The following EDIL3 variants were observed in gnomAD, a reference collection of about 807,000 sequenced individuals.
The protein encoded by EDIL3 is EGF-like repeat and discoidin I-like domain-containing protein 3.
In EDIL3, 37 loss-of-function variants were observed where a neutral mutation model predicts 67.4. The observed-to-expected ratio is 0.55, with a 90% CI of 0.42 to 0.72. EDIL3 has a LOEUF of 0.72. Among genes scored for constraint, EDIL3 ranks in the 30% least tolerant of loss-of-function variants. The pLI is 0.00. For missense variants in EDIL3, 527 were observed against 586.3 expected (o/e 0.90, Z 1.04); for synonymous variants, 195 against 196.3 (o/e 0.99, Z 0.05).
chr5:84,290,325 G>A (rs768745544), intron 1 of EDIL3, among the ~76,000 whole-genome samples: 4 of 152,052 alleles, frequency 2.6e-5, no homozygotes, highest in Non-Finnish European at 5.9e-5. Context: ...AAGCCTCCCC[G>A]TCTTCCCAGT....
intron 5 of EDIL3, among the ~76,000 whole-genome samples, chr5:84,114,984 G>A (rs1025166936): frequency 1.3e-5 from 2 of 152,154 alleles, no homozygotes; most frequent in African/African-American, 4.8e-5. Context: ...GGTTTTCAAA[G>A]CACTTAGCAC....
In EDIL3 at chr5:84,031,210, A is replaced by G. The variant is rs115184832; in HGVS notation, c.1137+29090T>C. The stretch of plus-strand genomic sequence containing the variant: ...ATCACATTCTGAGATAGTTGGGGTT[A>G]GGACTTAAATATATAAATTTTGGGG... On this transcript the variant is annotated intron_variant, in intron 9 of 10. Coordinates refer to ENST00000296591, the MANE Select transcript of EDIL3 (RefSeq NM_005711.5). Among the ~76,000 whole-genome samples the G allele has an allele frequency of 5.8e-3, 891 of 152,320 alleles. 12 individuals carry two copies. Among genetic ancestry groups the G allele is most frequent in the African/African-American group, 0.021 (857 of 41,568 alleles).
chr5:84,216,053 C>T (rs1442282833), intron 3 of EDIL3, among the ~76,000 whole-genome samples: 1 of 152,070 alleles, frequency 6.6e-6, no homozygotes, highest in Non-Finnish European at 1.5e-5. Context: ...TGAGAAGATG[C>T]TGCCTTGGAC....
At chr5:84,199,595 T>C (rs1743788003) in intron 3 of EDIL3, among the ~76,000 whole-genome samples, 1 of 151,804 alleles carries the variant, frequency 6.6e-6, no homozygotes, top group Non-Finnish European at 1.5e-5. Context: ...AAAGAGAAAA[T>C]AATGTGAGGG....
intron 2 of EDIL3, among the ~76,000 whole-genome samples, chr5:84,237,656 C>T (rs966012122): frequency 2.0e-5 from 3 of 152,010 alleles, no homozygotes; most frequent in Admixed American, 6.6e-5. Context: ...TTATCTAATA[C>T]TTTTATTAAA....
intron 6 of EDIL3, among the ~76,000 whole-genome samples, chr5:84,086,180 C>T (rs6859618): frequency 0.065 from 9,880 of 152,166 alleles, 889 homozygotes; most frequent in African/African-American, 0.2. Context: ...GTTCTTCTGT[C>T]TCACTGGGAT....
chr5:84,220,913 G>A (rs1280644763), intron 3 of EDIL3, among the ~76,000 whole-genome samples: 8 of 136,372 alleles, frequency 5.9e-5, no homozygotes, highest in Admixed American at 1.5e-4. Context: ...GGAGAAACCA[G>A]TGTTAATACT....
chr5:84,264,258 C>T (rs1469293140), intron 1 of EDIL3, among the ~76,000 whole-genome samples: 1 of 152,134 alleles, frequency 6.6e-6, no homozygotes. Flanking sequence ...AACAAACAAA[C>T]AAATAAATTG....
chr5:83,991,200 T>A (rs1019161287), intron 9 of EDIL3, among the ~76,000 whole-genome samples: 6 of 152,162 alleles, frequency 3.9e-5, no homozygotes, highest in Non-Finnish European at 8.8e-5. Flanking sequence ...TTGTTTAGAA[T>A]CCCTACATCA....
chr5:84,141,960 T>G (rs891597966), intron 4 of EDIL3, among the ~76,000 whole-genome samples: 18 of 134,896 alleles, frequency 1.3e-4, no homozygotes, highest in South Asian at 7.0e-4. Context: ...TAGATCTATC[T>G]ATCTATCTAT....
At chr5:84,095,729 G>A (rs1747250303) in intron 6 of EDIL3, among the ~76,000 whole-genome samples, 1 of 152,154 alleles carries the variant, frequency 6.6e-6, no homozygotes, top group South Asian at 2.1e-4. Flanking sequence ...CAATAGAAAA[G>A]AAAAATCCCA....
intron 9 of EDIL3, among the ~76,000 whole-genome samples, chr5:84,055,790 C>T (rs1402467312): frequency 1.3e-5 from 2 of 152,154 alleles, no homozygotes; most frequent in Non-Finnish European, 2.9e-5. Context: ...GAATGGCAAT[C>T]ATTCAAAAGT....
At chr5:84,294,260 C>T (rs992308851) in intron 1 of EDIL3, among the ~76,000 whole-genome samples, 1 of 151,702 alleles carries the variant, frequency 6.6e-6, no homozygotes, top group African/African-American at 2.4e-5. Flanking sequence ...TGGCGGGCAC[C>T]TGTAGTCCCA....
chr5:84,201,443 A>G (rs573781920), intron 3 of EDIL3, among the ~76,000 whole-genome samples: 4 of 152,222 alleles, frequency 2.6e-5, no homozygotes, highest in African/African-American at 9.6e-5. Context: ...TATTACCTCA[A>G]TACTCCCTTG....
chr5:84,337,109 T>C (rs1404815839), intron 1 of EDIL3, among the ~76,000 whole-genome samples: 1 of 152,154 alleles, frequency 6.6e-6, no homozygotes, highest in African/African-American at 2.4e-5. Flanking sequence ...CTGAACACTG[T>C]TCCAAGTCTG....
chr5:84,052,155 T>C (rs1746352111), intron 9 of EDIL3, among the ~76,000 whole-genome samples: 5 of 152,196 alleles, frequency 3.3e-5, no homozygotes, highest in Admixed American at 6.5e-5. Flanking sequence ...GGCCAATATT[T>C]AACATTCTTA....
At chr5:84,292,391 T>G (rs1171423529) in intron 1 of EDIL3, among the ~76,000 whole-genome samples, 1 of 152,146 alleles carries the variant, frequency 6.6e-6, no homozygotes, top group African/African-American at 2.4e-5. Context: ...TCATGCTGAA[T>G]AAGACATAGT....
At chr5:84,342,581 A>G (rs1747137362) in intron 1 of EDIL3, among the ~76,000 whole-genome samples, 1 of 152,084 alleles carries the variant, frequency 6.6e-6, no homozygotes, top group Admixed American at 6.6e-5. Flanking sequence ...ATTAAAGAAA[A>G]AACTTAATGC....
At chr5:84,350,891 A>T (rs920655744) in intron 1 of EDIL3, among the ~76,000 whole-genome samples, 2 of 152,176 alleles carry the variant, frequency 1.3e-5, no homozygotes, top group African/African-American at 4.8e-5. Flanking sequence ...TAATCAATAT[A>T]ATTAAGTTAT....
Sources: gnomAD v4.1 joint callset for allele counts (sites outside exome capture counted in the v4.1 genomes callset) on GRCh38, gnomAD v4.1.1 for gene constraint, MANE v1.5 for transcripts, NCBI Gene and HGNC (gene_info 2026-07-23, HGNC 2026-07-21) for gene names.